The following SLC35E1 variants were observed in gnomAD, a reference collection of about 807,000 sequenced individuals.
SLC35E1 encodes solute carrier family 35 member E1.
A neutral mutation model predicts 31.0 loss-of-function variants in SLC35E1; 12 were observed. The ratio of observed to expected loss-of-function variants is 0.39; its 90% CI spans 0.25 to 0.63. SLC35E1 has a LOEUF of 0.63. Among genes scored for constraint, SLC35E1 ranks in the 20% least tolerant of loss-of-function variants. SLC35E1 has a pLI of 0.52. For missense variants in SLC35E1, 429 were observed against 572.2 expected (o/e 0.75, Z 2.55); for synonymous variants, 257 against 264.1 (o/e 0.97, Z 0.26).
In SLC35E1 at chr19:16,553,850, G is replaced by A. The variant is rs148657007; in HGVS notation, c.1062C>T (p.Asp354=). 5.8e-5 allele frequency: 93 copies of A among 1,613,804 alleles called. No individual in the cohort carries two copies. In the African/African-American group the frequency reaches 1.1e-3, roughly 20 times the overall value. The change falls in exon 6 of 6, where the codon GAC becomes GAT. Residue 354 remains aspartate, a synonymous_variant. Transcript: ENST00000595753. ...RKHLLPVTTA[D]LSSKERHRSP... ...TCCGGTGACGCTCCTTGCTGCTCAG[G>A]TCTGCTGTGGTGACGGGGAGGAGGT...
intron 2 of SLC35E1, 41 bp downstream of exon 2, chr19:16,571,471 C>T: frequency 1.2e-6 from 2 of 1,607,164 alleles, no homozygotes; most frequent in South Asian, 2.2e-5. Flanking sequence ...GGAGGAACCC[C>T]CTGGAGCTCC....
At chr19:16,565,857 C>G (rs1176429068) in intron 4 of SLC35E1, 3 of 97,394 alleles carry the variant, frequency 3.1e-5, no homozygotes, top group African/African-American at 8.1e-5. Flanking sequence ...GCATAGTTTT[C>G]AAAGTTCCAG....
At chr19:16,571,922 C>A (rs555330778) in intron 1 of SLC35E1, 22 bp downstream of exon 1, 86 of 1,532,656 alleles carry the variant, frequency 5.6e-5, no homozygotes, top group Non-Finnish European at 6.1e-5. Context: ...CCGCCGCCCC[C>A]GAGGCCGGGC....
At chr19:16,570,875 T>C (rs1165945037) in intron 2 of SLC35E1, among the ~76,000 whole-genome samples, 1 of 151,974 alleles carries the variant, frequency 6.6e-6, no homozygotes. Flanking sequence ...GGCGGACGGA[T>C]CACTTGAGGT....
At position 16,553,692 on chromosome 19, in the gene SLC35E1, C is replaced by A; in HGVS notation, c.1220G>T (p.Arg407Leu). 1 of 1,561,776 alleles carries A rather than the reference C, an allele frequency of 6.4e-7. No homozygotes were observed. Residue 407 changes from arginine (R) to leucine (L), a missense_variant, in exon 6 of 6, where the codon CGC (arginine) becomes CTC (leucine). Coordinates refer to ENST00000595753, the MANE Select transcript of SLC35E1 (RefSeq NM_024881.5). ...GTCCTTTGGACTCTACACATCATAGCGGTTCAAACTGTACGAGTTTGGGTA... is the reference window on the plus strand; with the variant it reads ...GTCCTTTGGACTCTACACATCATAGAGGTTCAAACTGTACGAGTTTGGGTA... ...QSYPNSYSLNRYDV is the reference protein window; with the variant it reads ...QSYPNSYSLNLYDV
At chr19:16,563,217 G>A (rs1464641836) in intron 4 of SLC35E1, among the ~76,000 whole-genome samples, 11 of 152,128 alleles carry the variant, frequency 7.2e-5, no homozygotes, top group South Asian at 2.1e-4. Flanking sequence ...CCAGCTACTC[G>A]GGAGGCTGAG....
chr19:16,562,829 C>T (rs2085913836), intron 4 of SLC35E1, among the ~76,000 whole-genome samples: 1 of 152,152 alleles, frequency 6.6e-6, no homozygotes, highest in South Asian at 2.1e-4. Context: ...CCACCTCAGG[C>T]TCCCAAGTAG....
In SLC35E1 at chr19:16,572,078, T is replaced by A. The variant is rs557296600; in HGVS notation, c.287A>T (p.His96Leu). The A allele has an allele frequency of 3.9e-6, 6 of 1,537,932 alleles. No homozygotes were observed. The highest frequency in any genetic ancestry group is 5.3e-6 in the Non-Finnish European group (6 of 1,142,106). ...CGGCAGCAGCGGGCCGGACGACGGA[T>A]GCGGACTGGGTCCGGGGCCCGAGAC... is the stretch of plus-strand genomic sequence containing the variant. ...PPVSGPGPSPHPSSGPLLPPR... is the reference protein window; with the variant it reads ...PPVSGPGPSPLPSSGPLLPPR... The change falls in exon 1 of 6, where the codon CAT (histidine) becomes CTT (leucine). Residue 96 changes from histidine (H) to leucine (L), a missense_variant. Coordinates refer to ENST00000595753, the MANE Select transcript of SLC35E1 (RefSeq NM_024881.5). The surrounding 1 kb of genome is among the most constrained non-coding windows in gnomAD (Gnocchi z 4.1).
At position 16,559,807 on chromosome 19, in the gene SLC35E1, G is replaced by A. The variant is rs150073106; in HGVS notation, c.757-4410C>T. Among the ~76,000 whole-genome samples, 86 of 152,184 alleles carry A rather than the reference G, an allele frequency of 5.7e-4. 1 individual carries two copies. The East Asian group carries it at 0.014, about 25-fold the overall frequency. On this transcript the variant is annotated intron_variant, in intron 4 of 5. Coordinates refer to ENST00000595753, the MANE Select transcript of SLC35E1 (RefSeq NM_024881.5). ...CAACATCTGTATCATTGCACTGTTG[G>A]CCCTTGTTGATTGTCTTTTCCCAAC...
In SLC35E1 at chr19:16,572,203, G is replaced by A; in HGVS notation, c.162C>T (p.Ala54=). 2.0e-6 allele frequency: 3 copies of A among 1,531,594 alleles called. No homozygotes were observed. Among genetic ancestry groups the A allele is most frequent in the Non-Finnish European group, 2.6e-6 (3 of 1,138,442 alleles). 94.9% of individuals were successfully genotyped at this position (1,531,594 alleles called of 1,614,324 possible). The part of the protein sequence containing the change: ...GNVVNKVILS[A]FPFPVTVSLC... ...GCGACACGGTCACCGGGAACGGGAA[G>A]GCGCTCAGGATCACCTTGTTGACCA... Residue 54 remains alanine, a synonymous_variant, in exon 1 of 6, where the codon GCC becomes GCT. Transcript: ENST00000595753. The surrounding 1 kb of genome is among the most constrained non-coding windows in gnomAD (Gnocchi z 4.1).
chr19:16,553,892 G>A lies in SLC35E1; in HGVS notation c.1020C>T (p.Asn340=). The part of the protein sequence containing the change: ...FLYNKTKYDA[N]QQARKHLLPV... Reference sequence around the variant, plus strand: ...GGAGGAGGTGCTTCCTGGCTTGCTGGTTTGCATCGTACTTGGTCTGTGCCA... The same window carrying A: ...GGAGGAGGTGCTTCCTGGCTTGCTGATTTGCATCGTACTTGGTCTGTGCCA... The change falls in exon 6 of 6, where the codon AAC becomes AAT. Residue 340 remains asparagine (N), a synonymous_variant. Coordinates refer to ENST00000595753, the MANE Select transcript of SLC35E1 (RefSeq NM_024881.5). 1 of 1,610,134 alleles carries A rather than the reference G, an allele frequency of 6.2e-7. No individual in the cohort carries two copies. Among genetic ancestry groups the A allele is most frequent in the South Asian group, 1.1e-5 (1 of 90,448 alleles).
chr19:16,560,008 G>A (rs1181851405), intron 4 of SLC35E1, among the ~76,000 whole-genome samples: 1 of 152,170 alleles, frequency 6.6e-6, no homozygotes, highest in Non-Finnish European at 1.5e-5. Flanking sequence ...GCCTTCTGTG[G>A]GTTGTGGTTC....
Position 16,555,506 on chromosome 19 carries a change from AG to A in SLC35E1, c.757-110del. The A allele has an allele frequency of 6.9e-7, 1 of 1,455,292 alleles. No homozygotes were observed. Among genetic ancestry groups the A allele is most frequent in the Non-Finnish European group, 9.2e-7 (1 of 1,090,682 alleles). The allele number at this position is 1,455,292 out of a possible 1,614,324, so 90.1% of individuals were successfully genotyped here. On this transcript the variant is annotated intron_variant, in intron 4 of 5. Transcript: ENST00000595753. This position sits in a 1 kb window ranked among gnomAD's most constrained non-coding sequence, Gnocchi z 4.1. The stretch of plus-strand genomic sequence containing the variant: ...AAGGGATGTGGAGGGGCTCATCTGG[AG>A]CCTCATGGTCCACAGGCAGCCAGTC...
chr19:16,561,137 C>T (rs1361874630), intron 4 of SLC35E1, among the ~76,000 whole-genome samples: 6 of 142,328 alleles, frequency 4.2e-5, no homozygotes, highest in Non-Finnish European at 6.0e-5. Context: ...TCTCTTGAAC[C>T]CTGGAGGCAG....
At chr19:16,566,286 C>T (rs1033693207) in intron 4 of SLC35E1, 8 of 478,408 alleles carry the variant, frequency 1.7e-5, no homozygotes, top group East Asian at 3.7e-5. Flanking sequence ...ACGCTACTGG[C>T]GCACACACAG....
intron 4 of SLC35E1, chr19:16,556,846 G>A: frequency 2.1e-6 from 1 of 471,102 alleles, no homozygotes. Context: ...CCTCTCAAAT[G>A]CAAGAAGACA....
intron 2 of SLC35E1, 130 bp from the exon 3 acceptor site, chr19:16,568,299 T>C (rs1463306175): frequency 8.0e-7 from 1 of 1,257,466 alleles, no homozygotes; most frequent in Admixed American, 2.9e-5. Context: ...GAAAGTGGTG[T>C]TTGCTGTGCC....
intron 4 of SLC35E1, among the ~76,000 whole-genome samples, chr19:16,560,473 T>TTA (rs1238345682): frequency 6.6e-6 from 1 of 152,132 alleles, no homozygotes; most frequent in Non-Finnish European, 1.5e-5. Flanking sequence ...TCTCAGGGTT[T>TTA]TAGGTGGCTG....
At chr19:16,556,712 C>T (rs571634669) in intron 4 of SLC35E1, among the ~76,000 whole-genome samples, 1 of 152,222 alleles carries the variant, frequency 6.6e-6, no homozygotes, top group African/African-American at 2.4e-5. Context: ...CCACGCTGAC[C>T]TTGGCCACAG....
Sources: allele counts gnomAD v4.1 joint callset (sites outside exome capture counted in the v4.1 genomes callset), GRCh38; gene constraint gnomAD v4.1.1; non-coding constraint Gnocchi (gnomAD v3.1); transcripts MANE v1.5; gene names NCBI Gene and HGNC (gene_info 2026-07-23, HGNC 2026-07-21).